The following ELP4 variants were observed in gnomAD, a reference collection of about 807,000 sequenced individuals.
ELP4 encodes the protein elongator acetyltransferase complex subunit 4, also known as elongator complex protein 4.
A neutral mutation model predicts 48.9 loss-of-function variants in ELP4; 51 were observed. The observed-to-expected ratio is 1.04, with a 90% CI of 0.83 to 1.32. ELP4 has a LOEUF of 1.32. ELP4 is among the 40% of genes most tolerant of loss of function. ELP4 has a pLI of 0.00. For missense variants in ELP4, 519 were observed against 514.6 expected (o/e 1.01, Z -0.08); for synonymous variants, 210 against 189.2 (o/e 1.11, Z -0.90).
chr11:31,710,880 A>G (rs903113184), intron 9 of ELP4, among the ~76,000 whole-genome samples: 3 of 152,218 alleles, frequency 2.0e-5, no homozygotes, highest in Admixed American at 6.5e-5. Flanking sequence ...AGGGGAGACT[A>G]GAACCCGTGA....
intron 1 of ELP4, among the ~76,000 whole-genome samples, chr11:31,518,146 G>A (rs1244820765): frequency 1.4e-5 from 2 of 138,912 alleles, no homozygotes; most frequent in Non-Finnish European, 3.1e-5. Flanking sequence ...CGCTCTTGTT[G>A]CCCAGGCTGG....
intron 9 of ELP4, among the ~76,000 whole-genome samples, chr11:31,733,634 A>G (rs990137529): frequency 6.6e-6 from 1 of 152,272 alleles, no homozygotes. Context: ...CTAGAAGTCT[A>G]TAGTCTACCA....
At chr11:31,771,233 G>A (rs1376989808) in intron 9 of ELP4, among the ~76,000 whole-genome samples, 1 of 152,180 alleles carries the variant, frequency 6.6e-6, no homozygotes, top group East Asian at 1.9e-4. Flanking sequence ...GAGTCACTTA[G>A]TAGCTAGAAT....
intron 9 of ELP4, among the ~76,000 whole-genome samples, chr11:31,693,158 T>G (rs548141382): frequency 6.7e-6 from 1 of 149,254 alleles, no homozygotes; most frequent in Admixed American, 6.6e-5. Context: ...ACTCGTTTTT[T>G]TATTATTATT....
chr11:31,748,348 T>C (rs1211869578), intron 9 of ELP4, among the ~76,000 whole-genome samples: 1 of 151,376 alleles, frequency 6.6e-6, no homozygotes, highest in South Asian at 2.1e-4. Context: ...AGGTTCACGC[T>C]ATTTTCCTGC....
intron 9 of ELP4, among the ~76,000 whole-genome samples, chr11:31,731,624 AAGG>A (rs1469275372): frequency 6.9e-6 from 1 of 145,438 alleles, no homozygotes; most frequent in Non-Finnish European, 1.5e-5. Flanking sequence ...AGAGAGAAAA[AAGG>A]AGGCAGAAAG....
chr11:31,744,502 C>A (rs1277393050), intron 9 of ELP4, among the ~76,000 whole-genome samples: 1 of 152,108 alleles, frequency 6.6e-6, no homozygotes, highest in Non-Finnish European at 1.5e-5. Flanking sequence ...AAAATACTGG[C>A]AAACTGAATC....
intron 3 of ELP4, among the ~76,000 whole-genome samples, chr11:31,544,686 G>C (rs903893858): frequency 6.6e-6 from 1 of 152,234 alleles, no homozygotes; most frequent in African/African-American, 2.4e-5. Context: ...CTGAGGATGG[G>C]CAGACTGCCT....
Position 31,745,351 on chromosome 11 carries a change from A to G in ELP4, c.1144-38042A>G, listed in dbSNP as rs1947561214. Among the ~76,000 whole-genome samples, 2 of 152,332 alleles carry G rather than the reference A, an allele frequency of 1.3e-5. 1 individual carries two copies. The highest frequency in any genetic ancestry group is 4.8e-5 in the African/African-American group (2 of 41,566). On this transcript the variant is annotated intron_variant, in intron 9 of 9. Coordinates refer to ENST00000640961, the MANE Select transcript of ELP4 (RefSeq NM_019040.5). ...TATAGATTCAATGCCATCCCCATCAAGCTACCAATGACTTTCTTCACAGAA... is the reference window on the plus strand; with the variant it reads ...TATAGATTCAATGCCATCCCCATCAGGCTACCAATGACTTTCTTCACAGAA...
chr11:31,742,378 T>C (rs1947476068), intron 9 of ELP4, among the ~76,000 whole-genome samples: 1 of 152,120 alleles, frequency 6.6e-6, no homozygotes, highest in African/African-American at 2.4e-5. Flanking sequence ...ATCATTCAAA[T>C]TCAGGAAATA....
chr11:31,752,790 C>T (rs1947752392), intron 9 of ELP4, among the ~76,000 whole-genome samples: 1 of 148,800 alleles, frequency 6.7e-6, no homozygotes, highest in Admixed American at 6.8e-5. Flanking sequence ...GCTGGGATCG[C>T]GCCACTGAAC....
intron 3 of ELP4, among the ~76,000 whole-genome samples, chr11:31,551,235 A>G (rs967449592): frequency 2.0e-5 from 3 of 152,168 alleles, no homozygotes; most frequent in Admixed American, 2.0e-4. Context: ...TAATTAGGGC[A>G]TGAACAAGAT....
chr11:31,597,627 A>G lies in ELP4; in HGVS notation c.513+2726A>G, dbSNP rs557805296. The stretch of plus-strand genomic sequence containing the variant: ...ACTCTAAGTTTAGAGGCTGGAGTAC[A>G]GTGGAGCGATCTCAGCTCACTGCAA... On this transcript the variant is annotated intron_variant, in intron 4 of 9. Coordinates refer to ENST00000640961, the MANE Select transcript of ELP4 (RefSeq NM_019040.5). 2.6e-5 allele frequency among the ~76,000 whole-genome samples: 4 copies of G among 152,284 alleles called. No individual in the cohort carries two copies. The East Asian group carries it at 7.7e-4, about 29-fold the overall frequency.
intron 7 of ELP4, among the ~76,000 whole-genome samples, chr11:31,644,225 A>G (rs1200068349): frequency 6.6e-6 from 1 of 151,862 alleles, no homozygotes; most frequent in Admixed American, 6.6e-5. Context: ...TGATGTCATT[A>G]TAACATACAT....
chr11:31,545,164 A>C (rs988264667), intron 3 of ELP4, among the ~76,000 whole-genome samples: 1 of 152,230 alleles, frequency 6.6e-6, no homozygotes, highest in African/African-American at 2.4e-5. Flanking sequence ...TGAGAGAAGA[A>C]GGCTTCAGAC....
At chr11:31,662,205 AC>A (rs1945573352) in intron 9 of ELP4, among the ~76,000 whole-genome samples, 1 of 152,118 alleles carries the variant, frequency 6.6e-6, no homozygotes. Context: ...TCAGTCAAAA[AC>A]AAAAAAAGTA....
intron 9 of ELP4, among the ~76,000 whole-genome samples, chr11:31,694,801 A>G (rs1017499028): frequency 2.6e-5 from 4 of 152,228 alleles, no homozygotes; most frequent in East Asian, 1.9e-4. Flanking sequence ...AGCATGGAAT[A>G]TTCTTCCATT....
chr11:31,560,727 T>TAC (rs1486037417), intron 3 of ELP4, among the ~76,000 whole-genome samples: 1 of 150,532 alleles, frequency 6.6e-6, no homozygotes, highest in East Asian at 1.9e-4. Flanking sequence ...TATATATATA[T>TAC]AAAACAACAT....
In ELP4 at chr11:31,745,428, G is replaced by A. The variant is rs547395396; in HGVS notation, c.1144-37965G>A. ...GTGGAACCAAAAAAGAGCCCACTTC[G>A]CCAAGTCAATCCTAAGCCAAAAGAA... On this transcript the variant is annotated intron_variant, in intron 9 of 9. Coordinates refer to ENST00000640961, the MANE Select transcript of ELP4 (RefSeq NM_019040.5). Among the ~76,000 whole-genome samples the A allele has an allele frequency of 6.6e-5, 10 of 152,232 alleles. No homozygotes were observed. In the East Asian group the frequency reaches 1.2e-3, roughly 18 times the overall value.
Sources: allele counts gnomAD v4.1 joint callset (sites outside exome capture counted in the v4.1 genomes callset), GRCh38; gene constraint gnomAD v4.1.1; transcripts MANE v1.5; gene names NCBI Gene and HGNC (gene_info 2026-07-23, HGNC 2026-07-21).